COX7B2: variants seen among roughly 807,000 people sequenced by gnomAD.
The protein encoded by COX7B2 is cytochrome c oxidase subunit 7B2.
For missense variants in COX7B2, 109 were observed against 95.9 expected, an observed-to-expected ratio of 1.14 and a Z score of -0.57; for synonymous variants, 37 against 32.1, an observed-to-expected ratio of 1.15 and a Z score of -0.51.
At chr4:46,740,861 C>T (rs1714663871) in intron 2 of COX7B2, among the ~76,000 whole-genome samples, 1 of 152,054 alleles carries the variant, frequency 6.6e-6, no homozygotes, top group Admixed American at 6.6e-5. Context: ...TCACCCAAAA[C>T]CTCTGTGCTG....
chr4:46,776,506 C>A (rs73139356), intron 2 of COX7B2, among the ~76,000 whole-genome samples: 5,086 of 151,746 alleles, frequency 0.034, 216 homozygotes, highest in African/African-American at 0.1. Context: ...AAGCAAGATA[C>A]GCACTGTTGT....
intron 1 of COX7B2, among the ~76,000 whole-genome samples, chr4:46,888,563 C>T (rs1719225581): frequency 6.6e-6 from 1 of 151,850 alleles, no homozygotes; most frequent in African/African-American, 2.4e-5. Context: ...CCTGCCTCAG[C>T]CTCCTGAGTA....
At chr4:46,748,121 C>CTAAATTTAAAAATTGG (rs1394146199) in intron 2 of COX7B2, among the ~76,000 whole-genome samples, 1 of 152,058 alleles carries the variant, frequency 6.6e-6, no homozygotes, top group East Asian at 1.9e-4. Context: ...ATCTTGGAAC[C>CTAAATTTAAAAATTGG]AATACTGGCC....
intron 2 of COX7B2, among the ~76,000 whole-genome samples, chr4:46,777,840 T>C (rs947510721): frequency 6.6e-6 from 1 of 152,072 alleles, no homozygotes; most frequent in African/African-American, 2.4e-5. Context: ...TCCTCAAAAA[T>C]AGATGGAGAT....
chr4:46,780,039 T>C (rs1717359726), intron 2 of COX7B2, among the ~76,000 whole-genome samples: 1 of 152,222 alleles, frequency 6.6e-6, no homozygotes, highest in African/African-American at 2.4e-5. Flanking sequence ...TGGATATGCA[T>C]ATCAAACTTT....
At chr4:46,814,716 A>G (rs889838561) in intron 2 of COX7B2, among the ~76,000 whole-genome samples, 9 of 152,332 alleles carry the variant, frequency 5.9e-5, no homozygotes, top group African/African-American at 1.4e-4. Context: ...TTTTACGTCA[A>G]TGTATCACTG....
At position 46,766,706 on chromosome 4, in the gene COX7B2, GAAA is replaced by G. The variant is rs57884969; in HGVS notation, c.-49-31468_-49-31466del. ...ACAAAGAGAGACTCCGTCTCGAAAAGAAAAAAAAAAAAAAAAAGAGTCAGGGGA... is the reference window on the plus strand; with the variant it reads ...ACAAAGAGAGACTCCGTCTCGAAAAGAAAAAAAAAAAAAAGAGTCAGGGGA... On this transcript the variant is annotated intron_variant, in intron 2 of 2. Transcript: ENST00000355591. 1.6e-3 allele frequency among the ~76,000 whole-genome samples: 155 copies of G among 96,590 alleles called. 2 individuals are homozygous for G. In the East Asian group the frequency reaches 0.037, roughly 23 times the overall value. The allele number at this position is 96,590 out of a possible 152,430, so 63.4% of individuals were successfully genotyped here.
intron 1 of COX7B2, among the ~76,000 whole-genome samples, chr4:46,877,860 C>T (rs1309043145): frequency 6.6e-6 from 1 of 152,070 alleles, no homozygotes; most frequent in African/African-American, 2.4e-5. Flanking sequence ...CCACATAACC[C>T]TGCAATATCT....
chr4:46,755,666 C>T (rs191784954), intron 2 of COX7B2, among the ~76,000 whole-genome samples: 57 of 151,972 alleles, frequency 3.8e-4, no homozygotes, highest in African/African-American at 1.1e-3. Context: ...TTTCTATACA[C>T]GAATAATAAT....
At chr4:46,839,265 T>G (rs1378851538) in intron 2 of COX7B2, among the ~76,000 whole-genome samples, 1 of 151,998 alleles carries the variant, frequency 6.6e-6, no homozygotes, top group Non-Finnish European at 1.5e-5. Flanking sequence ...CATTAACTAA[T>G]TCTTGCCTTT....
intron 2 of COX7B2, among the ~76,000 whole-genome samples, chr4:46,820,145 T>A (rs1280927232): frequency 6.6e-6 from 1 of 152,214 alleles, no homozygotes; most frequent in Admixed American, 6.5e-5. Context: ...GAAATAATTA[T>A]ACAACTTACC....
intron 1 of COX7B2, among the ~76,000 whole-genome samples, chr4:46,893,979 T>C (rs1442681511): frequency 6.6e-6 from 1 of 151,942 alleles, no homozygotes; most frequent in African/African-American, 2.4e-5. Context: ...ATCTCTACAA[T>C]GAGAATTCTA....
intron 2 of COX7B2, among the ~76,000 whole-genome samples, chr4:46,802,107 G>A (rs1718687140): frequency 6.6e-6 from 1 of 152,026 alleles, no homozygotes; most frequent in African/African-American, 2.4e-5. Context: ...CTCTGCAATG[G>A]GATTTCAGTT....
chr4:46,889,265 G>A (rs1719274424), intron 1 of COX7B2, among the ~76,000 whole-genome samples: 1 of 152,046 alleles, frequency 6.6e-6, no homozygotes, highest in Admixed American at 6.5e-5. Context: ...CTCTGGCTAG[G>A]ACTTCTAACA....
intron 2 of COX7B2, among the ~76,000 whole-genome samples, chr4:46,738,108 A>G (rs559506737): frequency 6.6e-6 from 1 of 152,288 alleles, no homozygotes; most frequent in Admixed American, 6.5e-5. Flanking sequence ...ATCCAGTACA[A>G]AAGGACCTGT....
At chr4:46,754,726 G>GTATATATATATATATA (rs1228184530) in intron 2 of COX7B2, among the ~76,000 whole-genome samples, 19 of 46,132 alleles carry the variant, frequency 4.1e-4, no homozygotes, top group Non-Finnish European at 4.7e-4. Flanking sequence ...GTGTGTGTGT[G>GTATATATATATATATA]TGTATATATA....
chr4:46,881,655 G>A (rs1718751667), intron 1 of COX7B2, among the ~76,000 whole-genome samples: 1 of 151,850 alleles, frequency 6.6e-6, no homozygotes, highest in Non-Finnish European at 1.5e-5. Flanking sequence ...TGTAATTCCA[G>A]CTACTAAGGA....
At chr4:46,827,445 C>T (rs1424703987) in intron 2 of COX7B2, among the ~76,000 whole-genome samples, 2 of 152,132 alleles carry the variant, frequency 1.3e-5, no homozygotes, top group African/African-American at 2.4e-5. Flanking sequence ...GGCCAGAAGA[C>T]GTCAGAATGG....
chr4:46,770,848 A>C (rs1209276855), intron 2 of COX7B2, among the ~76,000 whole-genome samples: 1 of 152,194 alleles, frequency 6.6e-6, no homozygotes, highest in Admixed American at 6.5e-5. Context: ...AGACTTAAAA[A>C]TAAGACCGGA....
Sources: allele counts gnomAD v4.1 joint callset (sites outside exome capture counted in the v4.1 genomes callset), GRCh38; gene constraint gnomAD v4.1.1; transcripts MANE v1.5; gene names NCBI Gene and HGNC (gene_info 2026-07-23, HGNC 2026-07-21).